Variants in ARFGEF2 observed in about 807,000 individuals in gnomAD.
ARFGEF2 encodes the protein ARF guanine nucleotide exchange factor 2, also known as brefeldin A-inhibited guanine nucleotide-exchange protein 2.
ARFGEF2 carries 74 observed loss-of-function variants against 219.9 expected under a neutral mutation model. The ratio of observed to expected loss-of-function variants is 0.34; its 90% CI spans 0.28 to 0.41. The LOEUF is 0.41. Ranked by LOEUF, ARFGEF2 falls within the 10% of genes least tolerant of loss-of-function variation. The pLI, the probability that ARFGEF2 is intolerant of heterozygous loss-of-function variation, is 1.00. For synonymous variants in ARFGEF2, 733 were observed against 799.2 expected (o/e 0.92, Z 1.40); for missense variants, 1,743 against 2,218.3 (o/e 0.79, Z 4.30).
chr20:49,005,298 A>G (rs1287371051), intron 26 of ARFGEF2, 77 bp downstream of exon 26: 23 of 1,566,304 alleles, frequency 1.5e-5, no homozygotes, highest in East Asian at 2.2e-5. Flanking sequence ...CACTAACCAC[A>G]TGATTAATTT....
intron 7 of ARFGEF2, 68 bp from the exon 8 acceptor site, chr20:48,965,804 G>A: frequency 1.9e-6 from 3 of 1,583,168 alleles, no homozygotes; most frequent in Non-Finnish European, 2.6e-6. Flanking sequence ...ACTTCTTTTT[G>A]GTGTCAGGCA....
intron 1 of ARFGEF2, among the ~76,000 whole-genome samples, chr20:48,931,953 T>G (rs2090915956): frequency 1.3e-5 from 2 of 152,182 alleles, no homozygotes; most frequent in Admixed American, 1.3e-4. Flanking sequence ...TGAGAAAAGC[T>G]GTGGGGTGGA....
intron 6 of ARFGEF2, among the ~76,000 whole-genome samples, chr20:48,960,093 T>C (rs6019555): frequency 0.24 from 37,122 of 152,124 alleles, 5,195 homozygotes; most frequent in East Asian, 0.47. Flanking sequence ...TTTCACTGTT[T>C]TGCGAAAGAA....
At chr20:49,013,355 G>A (rs924907840) in intron 28 of ARFGEF2, among the ~76,000 whole-genome samples, 2 of 150,622 alleles carry the variant, frequency 1.3e-5, no homozygotes, top group African/African-American at 2.5e-5. Context: ...TCTAAAACCC[G>A]CAGAGGTCCA....
At chr20:49,008,680 A>G (rs1213052173) in intron 26 of ARFGEF2, among the ~76,000 whole-genome samples, 1 of 151,634 alleles carries the variant, frequency 6.6e-6, no homozygotes, top group East Asian at 1.9e-4. Context: ...GTATCTCTCC[A>G]TATGAAATAC....
intron 3 of ARFGEF2, among the ~76,000 whole-genome samples, chr20:48,951,040 T>C (rs2091067875): frequency 6.6e-6 from 1 of 151,752 alleles, no homozygotes; most frequent in Non-Finnish European, 1.5e-5. Flanking sequence ...CTTGAGTATG[T>C]GTAGCTATTA....
chr20:49,028,415 C>G, intron 36 of ARFGEF2, 115 bp from the exon 37 acceptor site: 1 of 1,203,550 alleles, frequency 8.3e-7, no homozygotes, highest in Non-Finnish European at 1.2e-6. Flanking sequence ...GCAAGACTAT[C>G]TCAAGAAAAA....
At chr20:49,031,935 T>TA (rs1025350688) in intron 37 of ARFGEF2, 114 bp from the exon 38 acceptor site, 73 of 901,474 alleles carry the variant, frequency 8.1e-5, no homozygotes, top group Non-Finnish European at 9.4e-5. Context: ...AAAAAGTAAT[T>TA]AAAAAAAACA....
chr20:48,941,153 T>G (rs761441714), intron 1 of ARFGEF2, 46 bp from the exon 2 acceptor site: 2 of 1,578,122 alleles, frequency 1.3e-6, no homozygotes, highest in African/African-American at 2.7e-5. Flanking sequence ...TTCCTTTACA[T>G]AAATGTTGCA....
intron 25 of ARFGEF2, among the ~76,000 whole-genome samples, chr20:49,001,730 T>C (rs942260861): frequency 1.3e-4 from 20 of 152,208 alleles, no homozygotes; most frequent in Non-Finnish European, 1.5e-5. Flanking sequence ...AAGCTAATTA[T>C]TCTTACTAGT....
At chr20:49,017,466 A>T in intron 32 of ARFGEF2, 30 bp from the exon 33 acceptor site, 1 of 1,601,598 alleles carries the variant, frequency 6.2e-7, no homozygotes, top group Non-Finnish European at 8.5e-7. Context: ...TTTCACATTG[A>T]TTATTTTTTT....
At chr20:48,963,802 T>G (rs779924639) in intron 6 of ARFGEF2, 28 bp from the exon 7 acceptor site, 1 of 1,605,756 alleles carries the variant, frequency 6.2e-7, no homozygotes, top group South Asian at 1.1e-5. Context: ...TGCCCACGTG[T>G]GTTTTGTATA....
At chr20:48,930,044 C>A (rs919158230) in intron 1 of ARFGEF2, among the ~76,000 whole-genome samples, 2 of 152,158 alleles carry the variant, frequency 1.3e-5, no homozygotes, top group African/African-American at 4.8e-5. Flanking sequence ...TGCCAAGGAA[C>A]CAATGAAGAG....
intron 1 of ARFGEF2, among the ~76,000 whole-genome samples, chr20:48,930,127 A>G (rs1053319686): frequency 6.6e-6 from 1 of 152,230 alleles, no homozygotes; most frequent in South Asian, 2.1e-4. Context: ...ACAGAAGTTT[A>G]TTTGGCTCAC....
chr20:48,933,124 C>A (rs184230834), intron 1 of ARFGEF2, among the ~76,000 whole-genome samples: 1 of 152,306 alleles, frequency 6.6e-6, no homozygotes, highest in East Asian at 1.9e-4. Flanking sequence ...AAAGACAGCG[C>A]GGCTTTTCAG....
At chr20:48,990,419 TAAATG>T (rs1310316070) in intron 20 of ARFGEF2, among the ~76,000 whole-genome samples, 1 of 152,174 alleles carries the variant, frequency 6.6e-6, no homozygotes, top group Non-Finnish European at 1.5e-5. Flanking sequence ...TTCAAGCAAA[TAAATG>T]AAATGTAATT....
intron 1 of ARFGEF2, among the ~76,000 whole-genome samples, chr20:48,935,136 C>T (rs931025011): frequency 6.0e-5 from 9 of 151,102 alleles, no homozygotes; most frequent in African/African-American, 2.4e-5. Flanking sequence ...GGGTGTTTCT[C>T]GCAGGGGGGG....
At chr20:48,961,358 G>A (rs965729690) in intron 6 of ARFGEF2, among the ~76,000 whole-genome samples, 23 of 151,498 alleles carry the variant, frequency 1.5e-4, no homozygotes, top group African/African-American at 5.3e-4. Context: ...ACACAGATTA[G>A]CCTAGGCCTG....
chr20:48,998,902 C>T (rs1214057695), intron 25 of ARFGEF2, among the ~76,000 whole-genome samples: 3 of 152,192 alleles, frequency 2.0e-5, no homozygotes, highest in Middle Eastern at 3.4e-3. Context: ...TCTTGTATTC[C>T]GGCACCTATT....
Sources: allele counts gnomAD v4.1 joint callset (sites outside exome capture counted in the v4.1 genomes callset), GRCh38; gene constraint gnomAD v4.1.1; transcripts MANE v1.5; gene names NCBI Gene and HGNC (gene_info 2026-07-23, HGNC 2026-07-21).